OR5B2: variants seen among roughly 807,000 people sequenced by gnomAD.
OR5B2 encodes the protein olfactory receptor 5B2.
For synonymous variants in OR5B2, 163 were observed against 140.8 expected (o/e 1.16, Z -1.11); for missense variants, 411 against 367.0 (o/e 1.12, Z -0.98).
chr11:58,426,594 A>C (rs774490704), intron 2 of OR5B2, 28 bp downstream of exon 2: 1 of 152,180 alleles, frequency 6.6e-6, no homozygotes, highest in Non-Finnish European at 1.5e-5. Flanking sequence ...CAACCTAAAC[A>C]GACCGTAGAA....
rs4298923 is a variant in OR5B2, at chr11:58,422,663, A to G, written c.599T>C (p.Met200Thr). 0.43 allele frequency: 692,393 copies of G among 1,612,814 alleles called. 152,075 individuals carry two copies. Among genetic ancestry groups the G allele is most frequent in the African/African-American group, 0.67 (49,912 of 74,870 alleles). The change falls in exon 3 of 3, where the codon ATG (methionine) becomes ACG (threonine). Residue 200 changes from methionine (M) to threonine (T), a missense_variant. Coordinates refer to ENST00000641342, the MANE Select transcript of OR5B2 (RefSeq NM_001005566.3). ...KHTSEVILVF[M>T]SSFNIFFVLL... The stretch of plus-strand genomic sequence containing the variant: ...AACAAAAAAGATATTAAAGCTTGAC[A>G]TAAAAACCAGAATCACCTCACTAGT...
At chr11:58,426,479 T>C (rs151001673) in intron 2 of OR5B2, 143 bp downstream of exon 2, 1 of 152,248 alleles carries the variant, frequency 6.6e-6, no homozygotes, top group East Asian at 1.9e-4. Flanking sequence ...TGTGGCTAAA[T>C]AGCGTGATAG....
chr11:58,422,148 A>G lies in OR5B2; in HGVS notation c.*184T>C, dbSNP rs1026104427. On this transcript the variant is annotated 3_prime_UTR_variant, in exon 3 of 3. Coordinates refer to ENST00000641342, the MANE Select transcript of OR5B2 (RefSeq NM_001005566.3). ...CTAACATTTCCATTTAGCCTTCCTC[A>G]TTCAGGTATTACATTTCTGATAATA... The G allele has an allele frequency of 6.5e-6, 3 of 464,168 alleles. No homozygotes were observed. Among genetic ancestry groups the G allele is most frequent in the African/African-American group, 3.9e-5 (2 of 50,938 alleles). The allele number at this position is 464,168 out of a possible 1,614,324, so 28.8% of individuals were successfully genotyped here. A position where few individuals can be genotyped will look rare whatever the true frequency, so the allele number is the denominator to read the frequency against.
rs752749891 is a variant in OR5B2 at position 58,422,745 on chromosome 11, G to A, written c.517C>T (p.His173Tyr). 5 of 1,613,808 alleles carry A rather than the reference G, an allele frequency of 3.1e-6. No individual in the cohort carries two copies. In the East Asian group the frequency reaches 6.7e-5, roughly 22 times the overall value. ...GCTGGAACATCACAGAAAAAGTGAT[G>A]TACCAGATTGGATTTACAGAAAGAG... is the stretch of plus-strand genomic sequence containing the variant. Reference protein sequence around the residue: ...SLSFCKSNLVHHFFCDVPAVM... With the variant: ...SLSFCKSNLVYHFFCDVPAVM... The change falls in exon 3 of 3, where the codon CAT becomes TAT. Residue 173 changes from histidine to tyrosine, a missense_variant. Physicochemically the swap from His to Tyr is moderately conservative, Grantham distance 83 (BLOSUM62 2). Transcript: ENST00000641342.
intron 1 of OR5B2, among the ~76,000 whole-genome samples, chr11:58,426,897 A>T (rs1855344093): frequency 6.6e-6 from 1 of 152,130 alleles, no homozygotes; most frequent in African/African-American, 2.4e-5. Flanking sequence ...GTAAGAAGGG[A>T]TCATCGTATC....
Position 58,422,926 on chromosome 11 carries a change from C to G in OR5B2, c.336G>C (p.Leu112Phe), listed in dbSNP as rs766268328. 8 of 1,613,648 alleles carry G rather than the reference C, an allele frequency of 5.0e-6. No homozygotes were observed. Among genetic ancestry groups the G allele is most frequent in the Non-Finnish European group, 6.8e-6 (8 of 1,179,860 alleles). Residue 112 changes from leucine to phenylalanine, a missense_variant, in exon 3 of 3, where the codon TTG becomes TTC. Transcript: ENST00000641342. ...FVALATVENYLLASMAYDRYA... is the reference protein window; with the variant it reads ...FVALATVENYFLASMAYDRYA... ...AGCGGTCATAGGCCATTGAGGCCAA[C>G]AAGTAATTTTCCACCGTGGCCAAGG...
intron 1 of OR5B2, among the ~76,000 whole-genome samples, chr11:58,427,515 GA>G (rs1855351771): frequency 6.6e-6 from 1 of 152,138 alleles, no homozygotes; most frequent in South Asian, 2.1e-4. Context: ...AAACAGAGAT[GA>G]GTATTTTTTT....
At chr11:58,425,015 C>T (rs1426869782) in intron 2 of OR5B2, among the ~76,000 whole-genome samples, 5 of 152,020 alleles carry the variant, frequency 3.3e-5, no homozygotes, top group Admixed American at 3.3e-4. Flanking sequence ...AAACCAAGTT[C>T]CAACCTAATC....
intron 2 of OR5B2, among the ~76,000 whole-genome samples, chr11:58,425,191 T>G (rs1224859075): frequency 5.9e-5 from 9 of 152,070 alleles, no homozygotes; most frequent in Admixed American, 5.9e-4. Context: ...TTTTTGTTTG[T>G]TTTACTTCAA....
At position 58,423,286 on chromosome 11, in the gene OR5B2, T is replaced by A. The variant is rs368238983; in HGVS notation, c.-25A>T. On this transcript the variant is annotated 5_prime_UTR_variant, in exon 3 of 3. Coordinates refer to ENST00000641342, the MANE Select transcript of OR5B2 (RefSeq NM_001005566.3). ...TCAGTATTATCTGAGAAACTTAAGATGACCTGTAGCAATGAGAAATAAAGC... is the reference window on the plus strand; with the variant it reads ...TCAGTATTATCTGAGAAACTTAAGAAGACCTGTAGCAATGAGAAATAAAGC... 1.9e-5 allele frequency: 27 copies of A among 1,423,548 alleles called. No homozygotes were observed. The Admixed American group carries it at 4.9e-4, about 26-fold the overall frequency. 88.2% of individuals were successfully genotyped at this position (1,423,548 alleles called of 1,614,324 possible). A position where few individuals can be genotyped will look rare whatever the true frequency, so the allele number is the denominator to read the frequency against.
Position 58,422,579 on chromosome 11 carries a change from G to A in OR5B2, c.683C>T (p.Ser228Leu). 1 of 1,613,624 alleles carries A rather than the reference G, an allele frequency of 6.2e-7. No individual in the cohort carries two copies. Among genetic ancestry groups the A allele is most frequent in the East Asian group, 2.2e-5 (1 of 44,854 alleles). The change falls in exon 3 of 3, where the codon TCA (serine) becomes TTA (leucine). Residue 228 changes from serine to leucine, a missense_variant. Ser to Leu is a moderately radical substitution (Grantham distance 145, BLOSUM62 -2). Transcript: ENST00000641342. ...FIFITILKMH[S>L]AKGHQKALST... ...CAATGCTTTTTGGTGTCCCTTAGCT[G>A]AATGCATCTTCAAGATGGTGATGAA...
Position 58,422,623 on chromosome 11 carries a change from A to G in OR5B2, c.639T>C (p.Phe213=). The G allele has an allele frequency of 6.2e-7, 1 of 1,613,734 alleles. No homozygotes were observed. The highest frequency in any genetic ancestry group is 8.5e-7 in the Non-Finnish European group (1 of 1,179,812). The change falls in exon 3 of 3, where the codon TTT becomes TTC. Residue 213 remains phenylalanine (F), a synonymous_variant. Coordinates refer to ENST00000641342, the MANE Select transcript of OR5B2 (RefSeq NM_001005566.3). ...FNIFFVLLVI[F]ISYLFIFITI... Reference sequence around the variant, plus strand: ...TGATGAATATGAACAAGTAGGAGATAAAGATAACTAGAAGAACAAAAAAGA... The same window carrying G: ...TGATGAATATGAACAAGTAGGAGATGAAGATAACTAGAAGAACAAAAAAGA...
chr11:58,425,420 C>T (rs920134803), intron 2 of OR5B2, among the ~76,000 whole-genome samples: 5 of 151,904 alleles, frequency 3.3e-5, no homozygotes, highest in Admixed American at 6.6e-5. Context: ...TATCTATAGC[C>T]GTCCCACTGC....
At chr11:58,427,018 C>T (rs550488202) in intron 1 of OR5B2, among the ~76,000 whole-genome samples, 1 of 148,300 alleles carries the variant, frequency 6.7e-6, no homozygotes, top group Non-Finnish European at 1.5e-5. Flanking sequence ...CAACCTTTTA[C>T]ACTGAGATCA....
At chr11:58,425,686 A>G (rs546372029) in intron 2 of OR5B2, among the ~76,000 whole-genome samples, 3 of 152,262 alleles carry the variant, frequency 2.0e-5, no homozygotes, top group Non-Finnish European at 4.4e-5. Context: ...TATAACTGCT[A>G]TTGTTAGGAA....
At position 58,422,350 on chromosome 11, in the gene OR5B2, T is replaced by C. The variant is rs1159299423; in HGVS notation, c.912A>G (p.Arg304=). ...EVQNAFKKVL[R]RQKFL ...TCCAAACTTATAGAAATTTTTGCCTTCTCAACACTTTCTTGAATGCATTCT... is the reference window on the plus strand; with the variant it reads ...TCCAAACTTATAGAAATTTTTGCCTCCTCAACACTTTCTTGAATGCATTCT... The change falls in exon 3 of 3, where the codon AGA becomes AGG. Residue 304 remains arginine, a synonymous_variant. Coordinates refer to ENST00000641342, the MANE Select transcript of OR5B2 (RefSeq NM_001005566.3). The C allele has an allele frequency of 3.7e-6, 6 of 1,606,940 alleles. No homozygotes were observed. The highest frequency in any genetic ancestry group is 5.1e-6 in the Non-Finnish European group (6 of 1,174,644).
chr11:58,424,240 A>C (rs191963667), intron 2 of OR5B2, among the ~76,000 whole-genome samples: 1 of 152,304 alleles, frequency 6.6e-6, no homozygotes, highest in African/African-American at 2.4e-5. Flanking sequence ...AGAGCTAGCT[A>C]TAATATTATC....
chr11:58,425,147 T>C (rs949772464), intron 2 of OR5B2, among the ~76,000 whole-genome samples: 2 of 152,104 alleles, frequency 1.3e-5, no homozygotes, highest in African/African-American at 4.8e-5. Context: ...GATCCTTTTG[T>C]AGTTTGAAGA....
At position 58,422,978 on chromosome 11, in the gene OR5B2, C is replaced by T. The variant is rs748194452; in HGVS notation, c.284G>A (p.Cys95Tyr). ...TACAAAGAAGAACATCTGAACAGCA[C>T]ATGCATTGTAGGAGATGACCTTGTC... is the stretch of plus-strand genomic sequence containing the variant. ...RGDKVISYNA[C>Y]AVQMFFFVAL... is the part of the protein sequence containing the mutation. Residue 95 changes from cysteine to tyrosine, a missense_variant, in exon 3 of 3, where the codon TGT becomes TAT. Cys to Tyr is a radical substitution (Grantham distance 194). Coordinates refer to ENST00000641342, the MANE Select transcript of OR5B2 (RefSeq NM_001005566.3). The T allele has an allele frequency of 3.1e-6, 5 of 1,613,856 alleles. No individual in the cohort carries two copies. In the Admixed American group the frequency reaches 5.0e-5, roughly 16 times the overall value.
Sources: gnomAD v4.1 joint callset for allele counts (sites outside exome capture counted in the v4.1 genomes callset) on GRCh38, gnomAD v4.1.1 for gene constraint, MANE v1.5 for transcripts, NCBI Gene and HGNC (gene_info 2026-07-23, HGNC 2026-07-21) for gene names.